SGCD: variants seen among roughly 807,000 people sequenced by gnomAD.
SGCD encodes the protein sarcoglycan delta, also known as delta-sarcoglycan.
SGCD carries 18 observed loss-of-function variants against 36.6 expected under a neutral mutation model. That is an observed-to-expected ratio of 0.49 (90% CI 0.34 to 0.73). The LOEUF is 0.73. Among genes scored for constraint, SGCD ranks in the 30% least tolerant of loss-of-function variants. The pLI is 0.01. For missense variants in SGCD, 387 were observed against 346.7 expected, an observed-to-expected ratio of 1.12 and a Z score of -0.92; for synonymous variants, 133 against 130.6, an observed-to-expected ratio of 1.02 and a Z score of -0.12.
chr5:156,044,952 A>G (rs966247171), intron 1 of SGCD, among the ~76,000 whole-genome samples: 2 of 152,142 alleles, frequency 1.3e-5, no homozygotes, highest in Non-Finnish European at 2.9e-5. Flanking sequence ...GGTAATTTAT[A>G]TAGTTCAATT....
chr5:156,494,311 A>C (rs1756079419), intron 3 of SGCD, among the ~76,000 whole-genome samples: 1 of 148,242 alleles, frequency 6.7e-6, no homozygotes, highest in Non-Finnish European at 1.5e-5. Flanking sequence ...GGACTCAAAA[A>C]ACTCTTTTTT....
At chr5:156,593,466 A>T (rs1430598038) in intron 5 of SGCD, among the ~76,000 whole-genome samples, 1 of 152,200 alleles carries the variant, frequency 6.6e-6, no homozygotes, top group East Asian at 1.9e-4. Flanking sequence ...ACCACAAAAA[A>T]GACCAAACAT....
intron 2 of SGCD, among the ~76,000 whole-genome samples, chr5:156,342,268 G>A (rs1768700080): frequency 6.6e-6 from 1 of 152,176 alleles, no homozygotes; most frequent in African/African-American, 2.4e-5. Flanking sequence ...CTGATATAGT[G>A]GCAATATCAC....
intron 1 of SGCD, among the ~76,000 whole-genome samples, chr5:156,040,354 A>C (rs1190098484): frequency 1.3e-5 from 2 of 152,158 alleles, no homozygotes; most frequent in African/African-American, 4.8e-5. Flanking sequence ...TTGTGTTTAT[A>C]ATTTTATATT....
At chr5:156,668,000 C>T (rs1370935382) in intron 7 of SGCD, among the ~76,000 whole-genome samples, 1 of 152,166 alleles carries the variant, frequency 6.6e-6, no homozygotes, top group Non-Finnish European at 1.5e-5. Context: ...GTTCACGTAA[C>T]CTTAGAATAA....
At chr5:156,081,558 T>G (rs368204205) in intron 1 of SGCD, among the ~76,000 whole-genome samples, 1 of 152,132 alleles carries the variant, frequency 6.6e-6, no homozygotes. Flanking sequence ...CACGTGCAAC[T>G]AATGTTTTGA....
intron 3 of SGCD, among the ~76,000 whole-genome samples, chr5:156,399,539 T>C (rs1485281729): frequency 1.3e-5 from 2 of 152,200 alleles, no homozygotes; most frequent in Admixed American, 6.5e-5. Flanking sequence ...GCTCTTGTAC[T>C]TGGGGCTTCC....
At chr5:156,397,144 G>A (rs1199992824) in intron 3 of SGCD, among the ~76,000 whole-genome samples, 1 of 152,174 alleles carries the variant, frequency 6.6e-6, no homozygotes, top group Non-Finnish European at 1.5e-5. Context: ...TTCAGTATCT[G>A]GACTTTGTGT....
At chr5:155,733,258 A>C in the SGCD span, among the ~76,000 whole-genome samples, 1 of 152,118 alleles carries the variant, frequency 6.6e-6, no homozygotes, top group African/African-American at 2.4e-5. Flanking sequence ...ACTCCCTCAG[A>C]ATAGATCAGT....
chr5:156,339,996 G>A (rs1768562753), intron 2 of SGCD, among the ~76,000 whole-genome samples: 1 of 152,056 alleles, frequency 6.6e-6, no homozygotes, highest in Non-Finnish European at 1.5e-5. Flanking sequence ...TTATTTTTAT[G>A]GCAATTTTGA....
rs189154475 is a variant in SGCD at position 155,952,998 on chromosome 5, A to G, written c.-282+82574A>G. 9.2e-5 allele frequency among the ~76,000 whole-genome samples: 14 copies of G among 152,298 alleles called. No homozygotes were observed. The East Asian group carries it at 2.7e-3, about 30-fold the overall frequency. On this transcript the variant is annotated intron_variant, in intron 1 of 9. Transcript: ENST00000517913. ...GCTCGACCTTTAGAAACACTGAAAG[A>G]TAATATGAACTTTGCTTTCAACCAC...
At chr5:156,732,481 G>C (rs1756130010) in intron 7 of SGCD, among the ~76,000 whole-genome samples, 1 of 152,152 alleles carries the variant, frequency 6.6e-6, no homozygotes. Context: ...TTTTTGATGT[G>C]CTGCTGGATT....
chr5:156,184,122 G>C (rs1047099578), intron 3 of SGCD, among the ~76,000 whole-genome samples: 1 of 152,140 alleles, frequency 6.6e-6, no homozygotes, highest in Non-Finnish European at 1.5e-5. Flanking sequence ...CGTAAAGCCT[G>C]TTTTATAATA....
chr5:156,327,232 G>GGT lies in SGCD; in HGVS notation c.-44+1_-44+2dup, dbSNP rs1554093294. The GGT allele has an allele frequency of 6.6e-6, 1 of 152,336 alleles. No homozygotes were observed. The highest frequency in any genetic ancestry group is 2.1e-4 in the South Asian group (1 of 4,834). 9.4% of individuals were successfully genotyped at this position (152,336 alleles called of 1,614,324 possible). A position where few individuals can be genotyped will look rare whatever the true frequency, so the allele number is the denominator to read the frequency against. On this transcript the variant is annotated splice_region_variant and 5_prime_UTR_variant. Coordinates refer to ENST00000337851, the MANE Select transcript of SGCD (RefSeq NM_000337.6). Reference sequence around the variant, plus strand: ...GCCGGTTTGTGAAACGGACAAGAGAGGTAGGGTACTGTTCAGTTCTTGCGT... The same window carrying GGT: ...GCCGGTTTGTGAAACGGACAAGAGAGGTGTAGGGTACTGTTCAGTTCTTGCGT...
intron 1 of SGCD, among the ~76,000 whole-genome samples, chr5:155,977,587 C>G (rs758014186): frequency 6.6e-5 from 10 of 152,154 alleles, no homozygotes; most frequent in Non-Finnish European, 1.0e-4. Context: ...ACTATTTCAC[C>G]CTTCGTGGCC....
chr5:156,423,373 T>A lies in SGCD; in HGVS notation c.192+78696T>A, dbSNP rs1161594034. Among the ~76,000 whole-genome samples the A allele has an allele frequency of 2.4e-4, 24 of 98,404 alleles. 1 individual carries two copies. The South Asian group carries it at 5.1e-3, about 21-fold the overall frequency. 64.6% of individuals were successfully genotyped at this position (98,404 alleles called of 152,430 possible). A position where few individuals can be genotyped will look rare whatever the true frequency, so the allele number is the denominator to read the frequency against. On this transcript the variant is annotated intron_variant, in intron 3 of 8. Transcript: ENST00000337851. The stretch of plus-strand genomic sequence containing the variant: ...TAATTTTATTATAATATATTATATT[T>A]TATTATAATATAATATATTATATTT...
At chr5:156,743,314 G>A (rs1756783745) in intron 7 of SGCD, among the ~76,000 whole-genome samples, 1 of 152,084 alleles carries the variant, frequency 6.6e-6, no homozygotes, top group Non-Finnish European at 1.5e-5. Flanking sequence ...GTTTCACCAT[G>A]TTGGCCAGGC....
At chr5:156,676,514 G>T (rs969140004) in intron 7 of SGCD, among the ~76,000 whole-genome samples, 6 of 152,172 alleles carry the variant, frequency 3.9e-5, no homozygotes, top group Admixed American at 3.9e-4. Flanking sequence ...GGTTTCAGGG[G>T]CTTTCTGGGG....
intron 3 of SGCD, among the ~76,000 whole-genome samples, chr5:156,437,328 A>T (rs544157092): frequency 1.4e-4 from 22 of 152,270 alleles, no homozygotes; most frequent in Non-Finnish European, 2.4e-4. Context: ...GGGAGTATTC[A>T]TACCTTTTCA....
Sources: allele counts gnomAD v4.1 joint callset (sites outside exome capture counted in the v4.1 genomes callset), GRCh38; gene constraint gnomAD v4.1.1; transcripts MANE v1.5; gene names NCBI Gene and HGNC (gene_info 2026-07-23, HGNC 2026-07-21).